The following ADAM23 variants were observed in gnomAD, a reference collection of about 807,000 sequenced individuals.
ADAM23 encodes the protein disintegrin and metalloproteinase domain-containing protein 23.
Under a neutral mutation model 120.1 loss-of-function variants are expected in ADAM23, and 33 were observed. That is an observed-to-expected ratio of 0.27 (90% CI 0.21 to 0.37). The LOEUF is 0.37. Among genes scored for constraint, ADAM23 ranks in the 10% least tolerant of loss-of-function variants. ADAM23 has a pLI of 1.00. For synonymous variants in ADAM23, 367 were observed against 375.2 expected (o/e 0.98, Z 0.25); for missense variants, 862 against 1,058.2 (o/e 0.81, Z 2.57).
chr2:206,588,025 T>A (rs912821824), intron 19 of ADAM23, 66 bp from the exon 20 acceptor site: 2 of 1,531,100 alleles, frequency 1.3e-6, no homozygotes, highest in Non-Finnish European at 1.8e-6. Context: ...AAGGAGACAT[T>A]GTAGTAAAAA....
intron 3 of ADAM23, among the ~76,000 whole-genome samples, chr2:206,512,344 ATTAC>A (rs1429017554): frequency 6.6e-6 from 1 of 152,200 alleles, no homozygotes; most frequent in Non-Finnish European, 1.5e-5. Context: ...TCATTATGCT[ATTAC>A]TTCACTCATC....
At chr2:206,548,416 C>T (rs1175343856) in intron 8 of ADAM23, 62 bp downstream of exon 8, 1 of 1,480,540 alleles carries the variant, frequency 6.8e-7, no homozygotes, top group Non-Finnish European at 9.3e-7. Flanking sequence ...GTGCCTATCA[C>T]CCCACATTAT....
At chr2:206,574,150 C>G (rs1698065902) in intron 18 of ADAM23, among the ~76,000 whole-genome samples, 2 of 152,188 alleles carry the variant, frequency 1.3e-5, no homozygotes, top group Non-Finnish European at 2.9e-5. Context: ...AGAGGCACTT[C>G]TGCAGTGTTA....
chr2:206,525,457 A>G (rs538317989), intron 3 of ADAM23, among the ~76,000 whole-genome samples: 26 of 152,338 alleles, frequency 1.7e-4, no homozygotes, highest in African/African-American at 6.3e-4. Flanking sequence ...CTTTTCTAGT[A>G]GCCTTCCTCA....
Position 206,550,084 on chromosome 2 carries a change from A to C in ADAM23, c.868-11A>C. On this transcript the variant is annotated splice_polypyrimidine_tract_variant and intron_variant, in intron 8 of 25. Coordinates refer to ENST00000264377, the MANE Select transcript of ADAM23 (RefSeq NM_003812.4). ...ATCACTATTCTGACCATATATTTTT[A>C]TTTTCCGTAGCCATCACGTGGTATA... The C allele has an allele frequency of 6.5e-7, 1 of 1,533,312 alleles. No homozygotes were observed. The highest frequency in any genetic ancestry group is 9.0e-7 in the Non-Finnish European group (1 of 1,112,976). The allele number at this position is 1,533,312 out of a possible 1,614,324, so 95.0% of individuals were successfully genotyped here.
rs1337654557 is a variant in ADAM23, at chr2:206,443,539, G to A, written c.-328G>A. ...CCCGCGCGCCGCCTCAGCATCCTCA[G>A]GCCCGGCGGCAGCCCCCGCAGTCGC... On this transcript the variant is annotated 5_prime_UTR_variant, in exon 1 of 26. Transcript: ENST00000264377. The A allele has an allele frequency of 9.0e-6, 1 of 111,684 alleles. No individual in the cohort carries two copies. Among genetic ancestry groups the A allele is most frequent in the East Asian group, 2.1e-4 (1 of 4,726 alleles). The allele number at this position is 111,684 out of a possible 1,614,324, so 6.9% of individuals were successfully genotyped here. A position where few individuals can be genotyped will look rare whatever the true frequency, so the allele number is the denominator to read the frequency against.
intron 3 of ADAM23, among the ~76,000 whole-genome samples, chr2:206,518,616 G>C (rs1210908791): frequency 6.6e-6 from 1 of 152,154 alleles, no homozygotes; most frequent in Non-Finnish European, 1.5e-5. Context: ...TGGTGTTAAT[G>C]CAACTGTGGC....
At chr2:206,532,024 T>C (rs1252704120) in intron 4 of ADAM23, among the ~76,000 whole-genome samples, 2 of 152,208 alleles carry the variant, frequency 1.3e-5, no homozygotes, top group Non-Finnish European at 1.5e-5. Flanking sequence ...AGAACTTTCA[T>C]GTATCATTCT....
intron 25 of ADAM23, among the ~76,000 whole-genome samples, chr2:206,616,518 A>G (rs1018011945): frequency 3.9e-5 from 6 of 152,208 alleles, no homozygotes; most frequent in Admixed American, 3.3e-4. Flanking sequence ...CTTGGGAAAA[A>G]TAAGAACTTT....
At chr2:206,454,234 TTGG>T (rs970653026) in intron 2 of ADAM23, among the ~76,000 whole-genome samples, 1 of 152,124 alleles carries the variant, frequency 6.6e-6, no homozygotes, top group African/African-American at 2.4e-5. Context: ...ACTTAAAGTC[TTGG>T]TGGAAGGTGA....
At chr2:206,558,470 A>G (rs1166300306) in intron 10 of ADAM23, among the ~76,000 whole-genome samples, 2 of 152,174 alleles carry the variant, frequency 1.3e-5, no homozygotes, top group Admixed American at 6.5e-5. Flanking sequence ...TAACATATGT[A>G]TGTTATGTAC....
chr2:206,533,284 C>T (rs1697105887), intron 4 of ADAM23, among the ~76,000 whole-genome samples: 1 of 152,126 alleles, frequency 6.6e-6, no homozygotes, highest in African/African-American at 2.4e-5. Context: ...TCACTGCAAC[C>T]TCCACCTTCT....
intron 3 of ADAM23, among the ~76,000 whole-genome samples, chr2:206,497,962 C>G (rs1391796238): frequency 1.3e-5 from 2 of 152,106 alleles, no homozygotes; most frequent in Non-Finnish European, 2.9e-5. Context: ...TGAAGGAGCT[C>G]TTCAAGAACT....
At chr2:206,502,901 A>G (rs2105894721) in intron 3 of ADAM23, among the ~76,000 whole-genome samples, 2 of 152,264 alleles carry the variant, frequency 1.3e-5, no homozygotes, top group South Asian at 2.1e-4. Flanking sequence ...AGTACCCTAT[A>G]TTGTGTCTCT....
intron 9 of ADAM23, among the ~76,000 whole-genome samples, chr2:206,555,941 G>A (rs1393333172): frequency 6.6e-6 from 1 of 152,052 alleles, no homozygotes; most frequent in Non-Finnish European, 1.5e-5. Flanking sequence ...AATTTGCTAG[G>A]CAACTTAAAA....
At chr2:206,560,351 A>G (rs1417793160) in intron 11 of ADAM23, among the ~76,000 whole-genome samples, 1 of 150,378 alleles carries the variant, frequency 6.6e-6, no homozygotes, top group African/African-American at 2.4e-5. Flanking sequence ...CTCAAGATCA[A>G]CTCACAATCT....
chr2:206,585,936 AG>A (rs1698313795), intron 18 of ADAM23, among the ~76,000 whole-genome samples: 2 of 152,334 alleles, frequency 1.3e-5, no homozygotes, highest in South Asian at 4.1e-4. Flanking sequence ...CCAGCATTGG[AG>A]GGGCTGCAGC....
chr2:206,554,522 A>T (rs1241514756), intron 9 of ADAM23, among the ~76,000 whole-genome samples: 1 of 152,218 alleles, frequency 6.6e-6, no homozygotes, highest in East Asian at 1.9e-4. Context: ...TTTTCAATTT[A>T]AACCTCACTT....
rs1698980997 is a variant in ADAM23 at position 206,618,588 on chromosome 2, T to C, written c.*961T>C. ...TTTCTCTGTCTCTGTCCTTCTCTCTTGTAACGTGTTATACAATGACTCTTG... is the reference window on the plus strand; with the variant it reads ...TTTCTCTGTCTCTGTCCTTCTCTCTCGTAACGTGTTATACAATGACTCTTG... On this transcript the variant is annotated 3_prime_UTR_variant, in exon 26 of 26. Coordinates refer to ENST00000264377, the MANE Select transcript of ADAM23 (RefSeq NM_003812.4). 1 of 152,182 alleles carries C rather than the reference T, an allele frequency of 6.6e-6. No individual in the cohort carries two copies. The highest frequency in any genetic ancestry group is 6.5e-5 in the Admixed American group (1 of 15,274). The allele number at this position is 152,182 out of a possible 1,614,324, so 9.4% of individuals were successfully genotyped here. A position where few individuals can be genotyped will look rare whatever the true frequency, so the allele number is the denominator to read the frequency against.
Sources: allele counts gnomAD v4.1 joint callset (sites outside exome capture counted in the v4.1 genomes callset), GRCh38; gene constraint gnomAD v4.1.1; transcripts MANE v1.5; gene names NCBI Gene and HGNC (gene_info 2026-07-23, HGNC 2026-07-21).